MACC1: variants seen among roughly 807,000 people sequenced by gnomAD.
The protein encoded by MACC1 is MET transcriptional regulator MACC1, also known as metastasis-associated in colon cancer protein 1.
MACC1 carries 79 observed loss-of-function variants against 70.7 expected under a neutral mutation model. That is an observed-to-expected ratio of 1.12 (90% CI 0.93 to 1.35). The LOEUF (loss-of-function observed/expected upper bound fraction) is 1.35. Ranked by LOEUF, MACC1 falls within the 40% of genes most tolerant of loss-of-function variation. The probability of loss-of-function intolerance (pLI) is 0.00; values close to 1 mark genes in which losing one functional copy is unlikely to be tolerated. For missense variants in MACC1, 1,106 were observed against 978.1 expected (o/e 1.13, Z -1.74); for synonymous variants, 361 against 347.2 (o/e 1.04, Z -0.44).
At chr7:20,192,698 T>G (rs988710899) in intron 1 of MACC1, among the ~76,000 whole-genome samples, 1 of 152,234 alleles carries the variant, frequency 6.6e-6, no homozygotes, top group South Asian at 2.1e-4. Flanking sequence ...AGTAGTTTGC[T>G]ATATAGCAAT....
chr7:20,154,867 G>A (rs1782032980), intron 5 of MACC1, among the ~76,000 whole-genome samples: 1 of 151,808 alleles, frequency 6.6e-6, no homozygotes, highest in African/African-American at 2.4e-5. Flanking sequence ...ACCAAAATAT[G>A]ACTTAAAACA....
intron 2 of MACC1, among the ~76,000 whole-genome samples, chr7:20,165,895 T>A (rs939745081): frequency 3.3e-5 from 5 of 152,170 alleles, no homozygotes; most frequent in Non-Finnish European, 5.9e-5. Context: ...TATTTTACTA[T>A]TTAAACTAGG....
chr7:20,177,896 G>A (rs538691895), intron 1 of MACC1, among the ~76,000 whole-genome samples: 6 of 151,800 alleles, frequency 4.0e-5, no homozygotes, highest in African/African-American at 1.4e-4. Flanking sequence ...CACACTGACT[G>A]GCAGTCTTCA....
In MACC1 at chr7:20,158,780, G is replaced by C. The variant is rs779389655; in HGVS notation, c.1581C>G (p.Ile527Met). 3 of 1,613,964 alleles carry C rather than the reference G, an allele frequency of 1.9e-6. No individual in the cohort carries two copies. The Admixed American group carries it at 5.0e-5, about 27-fold the overall frequency. ...LPGYLQKKEE[I>M]KSAPLSPKIL... is the part of the protein sequence containing the mutation. ...TTTTTGGTGATAAAGGAGCAGACTT[G>C]ATTTCCTCCTTCTTCTGCAAATAGC... The change falls in exon 5 of 7, where the codon ATC (isoleucine) becomes ATG (methionine). Residue 527 changes from isoleucine to methionine, a missense_variant. Coordinates refer to ENST00000400331, the MANE Select transcript of MACC1 (RefSeq NM_182762.4).
intron 1 of MACC1, among the ~76,000 whole-genome samples, chr7:20,197,678 A>G (rs1782773730): frequency 6.6e-6 from 1 of 152,232 alleles, no homozygotes; most frequent in African/African-American, 2.4e-5. Context: ...ATATACTTGC[A>G]TGATGAACAA....
chr7:20,155,082 A>C (rs985385054), intron 5 of MACC1, among the ~76,000 whole-genome samples: 1 of 152,208 alleles, frequency 6.6e-6, no homozygotes, highest in Non-Finnish European at 1.5e-5. Context: ...ATAGAAAACC[A>C]TCAGGCTCTT....
chr7:20,160,084 T>C lies in MACC1; in HGVS notation c.277A>G (p.Ile93Val). ...QLRNNRKRNN[I>V]SILKEDPFLF... ...AAAGGATCTTCCTTTAAGATGGAAA[T>C]ATTATTTCTCTTCCTGTTATTTCTT... Residue 93 changes from isoleucine (I) to valine (V), a missense_variant, in exon 5 of 7, where the codon ATT (isoleucine) becomes GTT (valine). Physicochemically the swap from Ile to Val is conservative, Grantham distance 29 (BLOSUM62 3). Transcript: ENST00000400331. The C allele has an allele frequency of 6.2e-7, 1 of 1,611,954 alleles. No homozygotes were observed. The highest frequency in any genetic ancestry group is 1.1e-5 in the South Asian group (1 of 90,396).
At chr7:20,184,805 G>T (rs1782560171) in intron 1 of MACC1, among the ~76,000 whole-genome samples, 3 of 152,110 alleles carry the variant, frequency 2.0e-5, no homozygotes, top group Admixed American at 6.5e-5. Context: ...TGAAAGAAAT[G>T]ATGTAACTTT....
intron 1 of MACC1, among the ~76,000 whole-genome samples, chr7:20,201,243 C>T (rs1036703354): frequency 6.6e-6 from 1 of 152,114 alleles, no homozygotes. Context: ...ACTGTCCCCC[C>T]CATGGACTAA....
intron 1 of MACC1, among the ~76,000 whole-genome samples, chr7:20,195,974 C>A (rs958216204): frequency 5.9e-5 from 9 of 152,088 alleles, no homozygotes; most frequent in African/African-American, 2.2e-4. Flanking sequence ...TAATACTGGT[C>A]AGTTGTCGTG....
chr7:20,148,601 A>T (rs1356530292), intron 6 of MACC1, among the ~76,000 whole-genome samples: 1 of 152,192 alleles, frequency 6.6e-6, no homozygotes, highest in Admixed American at 6.5e-5. Context: ...TTCAGTGTAT[A>T]ATATAGAATT....
chr7:20,157,000 T>A (rs888650263), intron 5 of MACC1, among the ~76,000 whole-genome samples: 1 of 152,190 alleles, frequency 6.6e-6, no homozygotes, highest in Non-Finnish European at 1.5e-5. Context: ...ACACATTACT[T>A]TGTTTCATGA....
chr7:20,207,601 C>T (rs879701373), intron 1 of MACC1, among the ~76,000 whole-genome samples: 12 of 151,940 alleles, frequency 7.9e-5, no homozygotes, highest in South Asian at 6.2e-4. Flanking sequence ...TGCAACATAG[C>T]GCTATTCACC....
At chr7:20,184,155 G>T (rs1376777417) in intron 1 of MACC1, among the ~76,000 whole-genome samples, 2 of 152,150 alleles carry the variant, frequency 1.3e-5, no homozygotes, top group African/African-American at 4.8e-5. Flanking sequence ...AGCTTTTGAA[G>T]CACAAGTGGT....
At chr7:20,180,164 G>A (rs1016140270) in intron 1 of MACC1, among the ~76,000 whole-genome samples, 2 of 152,114 alleles carry the variant, frequency 1.3e-5, no homozygotes, top group African/African-American at 4.8e-5. Context: ...ATAGGCAATG[G>A]CCAGGCATGG....
chr7:20,207,960 G>T (rs1424739328), intron 1 of MACC1, among the ~76,000 whole-genome samples: 1 of 152,126 alleles, frequency 6.6e-6, no homozygotes, highest in Non-Finnish European at 1.5e-5. Context: ...CATGGGGGAA[G>T]TTTCCCCCAT....
chr7:20,171,255 CTT>C (rs60086169), intron 1 of MACC1, among the ~76,000 whole-genome samples: 77,691 of 143,948 alleles, frequency 0.54, 20,711 homozygotes, highest in East Asian at 0.84. Flanking sequence ...ATTTTATTTT[CTT>C]TTTTTTTTTT....
intron 1 of MACC1, among the ~76,000 whole-genome samples, chr7:20,188,497 A>G (rs1288579798): frequency 3.9e-5 from 6 of 152,206 alleles, no homozygotes; most frequent in Non-Finnish European, 8.8e-5. Context: ...ATAAAACATC[A>G]GGATGCTTTT....
Position 20,135,104 on chromosome 7 carries a change from C to G in MACC1, c.*5842G>C, listed in dbSNP as rs1781702634. On this transcript the variant is annotated 3_prime_UTR_variant, in exon 7 of 7. Coordinates refer to ENST00000400331, the MANE Select transcript of MACC1 (RefSeq NM_182762.4). The stretch of plus-strand genomic sequence containing the variant: ...AAAATACATTTAACAAGAAATTCAA[C>G]AAATAACACACTAGGGAAAACAAGG... 1 of 152,112 alleles carries G rather than the reference C, an allele frequency of 6.6e-6. No individual in the cohort carries two copies. Among genetic ancestry groups the G allele is most frequent in the Non-Finnish European group, 1.5e-5 (1 of 67,984 alleles). The allele number at this position is 152,112 out of a possible 1,614,324, so 9.4% of individuals were successfully genotyped here.
Sources: gnomAD v4.1 joint callset for allele counts (sites outside exome capture counted in the v4.1 genomes callset) on GRCh38, gnomAD v4.1.1 for gene constraint, MANE v1.5 for transcripts, NCBI Gene and HGNC (gene_info 2026-07-23, HGNC 2026-07-21) for gene names.